STXBP4: variants seen among roughly 807,000 people sequenced by gnomAD.
The protein encoded by STXBP4 is syntaxin-binding protein 4.
In STXBP4, 55 loss-of-function variants were observed where a neutral mutation model predicts 76.1. The ratio of observed to expected loss-of-function variants is 0.72; its 90% CI spans 0.58 to 0.91. STXBP4 has a LOEUF of 0.91. Among genes scored for constraint, STXBP4 ranks in the 40% least tolerant of loss-of-function variants. The pLI is 0.00. For missense variants in STXBP4, 618 were observed against 636.9 expected (o/e 0.97, Z 0.32); for synonymous variants, 201 against 220.2 (o/e 0.91, Z 0.77).
rs545680430 is a variant in STXBP4, at chr17:55,003,136, C to T, written c.574+2253C>T. 3.9e-5 allele frequency among the ~76,000 whole-genome samples: 6 copies of T among 152,132 alleles called. No individual in the cohort carries two copies. The South Asian group carries it at 1.0e-3, about 26-fold the overall frequency. On this transcript the variant is annotated intron_variant, in intron 7 of 17. Transcript: ENST00000376352. ...CAATTGATAACTGAACACAGGAGAT[C>T]GTTTCAAGTTAAGGAAGCACCACAA...
chr17:55,057,256 C>T lies in STXBP4; in HGVS notation c.1011+10102C>T, dbSNP rs548001553. Among the ~76,000 whole-genome samples the T allele has an allele frequency of 3.0e-4, 45 of 152,272 alleles. 1 individual carries two copies. Among genetic ancestry groups the T allele is most frequent in the Middle Eastern group, 6.8e-3 (2 of 294 alleles). ...TGGAGTTAAAAGTACAGAAAATCTT[C>T]GTAAATCTCTTTCATAACTCAGCCA... On this transcript the variant is annotated intron_variant, in intron 12 of 17. Transcript: ENST00000376352.
intron 16 of STXBP4, among the ~76,000 whole-genome samples, chr17:55,101,959 A>C (rs2079570978): frequency 1.3e-5 from 1 of 74,650 alleles, no homozygotes; most frequent in Non-Finnish European, 2.4e-5. Context: ...ACATAAAAGT[A>C]CAAATGTTTT....
At chr17:55,138,845 A>G (rs2080063931) in intron 16 of STXBP4, among the ~76,000 whole-genome samples, 1 of 152,086 alleles carries the variant, frequency 6.6e-6, no homozygotes, top group African/African-American at 2.4e-5. Flanking sequence ...AAGGTAGGCT[A>G]TTTGTGTTTT....
the STXBP4 span, among the ~76,000 whole-genome samples, chr17:55,197,679 G>A: frequency 6.6e-6 from 1 of 151,902 alleles, no homozygotes; most frequent in South Asian, 2.1e-4. Flanking sequence ...GGAGGCGGAG[G>A]TTGCAGTGAG....
At chr17:55,077,686 CGTGTGTGTGT>C (rs10690646) in intron 13 of STXBP4, among the ~76,000 whole-genome samples, 102 of 134,082 alleles carry the variant, frequency 7.6e-4, no homozygotes, top group African/African-American at 1.1e-3. Flanking sequence ...TGTCTTACAT[CGTGTGTGTGT>C]GTGTGTGTGT....
intron 4 of STXBP4, among the ~76,000 whole-genome samples, chr17:54,995,785 G>A (rs957760537): frequency 6.6e-6 from 1 of 152,176 alleles, no homozygotes; most frequent in African/African-American, 2.4e-5. Context: ...AAGATGGTTC[G>A]CTTTGCAGTG....
chr17:55,142,585 C>T (rs1241185678), intron 17 of STXBP4, among the ~76,000 whole-genome samples: 1 of 151,924 alleles, frequency 6.6e-6, no homozygotes, highest in Non-Finnish European at 1.5e-5. Context: ...CAGTAGATGC[C>T]CAATAAATAG....
chr17:55,040,739 T>C (rs560666954), intron 10 of STXBP4, among the ~76,000 whole-genome samples: 1 of 152,250 alleles, frequency 6.6e-6, no homozygotes, highest in South Asian at 2.1e-4. Context: ...GTTGCAAAGT[T>C]CGGGAGATCC....
intron 4 of STXBP4, among the ~76,000 whole-genome samples, chr17:54,998,764 T>C (rs1235012567): frequency 6.6e-6 from 1 of 152,082 alleles, no homozygotes; most frequent in Non-Finnish European, 1.5e-5. Flanking sequence ...GGTGGGAAGA[T>C]TGCTTGAGCC....
intron 17 of STXBP4, among the ~76,000 whole-genome samples, chr17:55,148,599 C>G (rs1263492581): frequency 2.0e-5 from 3 of 151,334 alleles, no homozygotes; most frequent in Non-Finnish European, 4.4e-5. Flanking sequence ...AGTGCAGTGA[C>G]ACAGTCTCGG....
chr17:55,105,027 G>T (rs555080143), intron 16 of STXBP4, among the ~76,000 whole-genome samples: 1 of 151,860 alleles, frequency 6.6e-6, no homozygotes, highest in South Asian at 2.1e-4. Flanking sequence ...TTCTTTATTA[G>T]TCTGGCTAGT....
intron 8 of STXBP4, among the ~76,000 whole-genome samples, chr17:55,018,768 C>T (rs914085147): frequency 6.6e-6 from 1 of 152,054 alleles, no homozygotes; most frequent in African/African-American, 2.4e-5. Flanking sequence ...TACAAAGAAA[C>T]TTCTTAAGGG....
intron 8 of STXBP4, among the ~76,000 whole-genome samples, chr17:55,019,538 GT>G (rs2078267661): frequency 6.6e-6 from 1 of 151,894 alleles, no homozygotes; most frequent in East Asian, 1.9e-4. Context: ...TAATATATTT[GT>G]TTAGCTTTAT....
At chr17:55,083,451 A>G (rs1197549148) in intron 16 of STXBP4, among the ~76,000 whole-genome samples, 1 of 152,206 alleles carries the variant, frequency 6.6e-6, no homozygotes, top group Admixed American at 6.5e-5. Flanking sequence ...AACTATGTAC[A>G]TAGCACTTTT....
intron 4 of STXBP4, among the ~76,000 whole-genome samples, 178 bp from the exon 5 acceptor site, chr17:54,999,167 A>G (rs1264330738): frequency 2.0e-5 from 3 of 152,216 alleles, no homozygotes; most frequent in South Asian, 4.1e-4. Context: ...TACTCATAAT[A>G]TATGTTACCA....
At chr17:55,117,233 T>G (rs1263001903) in intron 16 of STXBP4, among the ~76,000 whole-genome samples, 1 of 151,826 alleles carries the variant, frequency 6.6e-6, no homozygotes, top group Non-Finnish European at 1.5e-5. Context: ...CAGTCTACCA[T>G]ATGATCTCAT....
intron 12 of STXBP4, among the ~76,000 whole-genome samples, chr17:55,067,417 G>T (rs556491918): frequency 1.3e-5 from 2 of 152,262 alleles, no homozygotes; most frequent in East Asian, 3.9e-4. Context: ...ATGGAAAAAG[G>T]TGAAAAATAT....
rs773689328 is a variant in STXBP4 at position 55,031,210 on chromosome 17, C to G, written c.709C>G (p.Gln237Glu). The stretch of plus-strand genomic sequence containing the variant: ...TATTCAGCCCACAAAGGAACAACAC[C>G]AAGCCCTGAGACAGCAAGTACAAGC... ...LGIQPTKEQH[Q>E]ALRQQVQADS... Residue 237 changes from glutamine (Q) to glutamate (E), a missense_variant, in exon 9 of 18, where the codon CAA becomes GAA. Coordinates refer to ENST00000376352, the MANE Select transcript of STXBP4 (RefSeq NM_178509.6). 3.0e-5 allele frequency: 48 copies of G among 1,613,322 alleles called. No homozygotes were observed. The South Asian group carries it at 3.5e-4, about 12-fold the overall frequency.
intron 10 of STXBP4, among the ~76,000 whole-genome samples, chr17:55,042,746 T>C (rs1276610488): frequency 1.3e-5 from 2 of 152,148 alleles, no homozygotes; most frequent in Non-Finnish European, 2.9e-5. Context: ...GGAATCTTTT[T>C]AAGCTGCTTG....
Sources: gnomAD v4.1 joint callset for allele counts (sites outside exome capture counted in the v4.1 genomes callset) on GRCh38, gnomAD v4.1.1 for gene constraint, MANE v1.5 for transcripts, NCBI Gene and HGNC (gene_info 2026-07-23, HGNC 2026-07-21) for gene names.